ZC3H12D: variants seen among roughly 807,000 people sequenced by gnomAD.
The protein encoded by ZC3H12D is zinc finger CCCH-type containing 12D.
Under a neutral mutation model 24.2 loss-of-function variants are expected in ZC3H12D, and 11 were observed. The ratio of observed to expected loss-of-function variants is 0.46; its 90% confidence interval spans 0.29 to 0.75. ZC3H12D has a LOEUF of 0.75. Among genes scored for constraint, ZC3H12D ranks in the 30% least tolerant of loss-of-function variants. ZC3H12D has a pLI of 0.11. For missense variants in ZC3H12D, 740 were observed against 767.7 expected (o/e 0.96, Z 0.43); for synonymous variants, 333 against 341.8 (o/e 0.97, Z 0.28).
intron 3 of ZC3H12D, among the ~76,000 whole-genome samples, chr6:149,458,369 C>T (rs1450962501): frequency 6.6e-6 from 1 of 151,866 alleles, no homozygotes; most frequent in Non-Finnish European, 1.5e-5. Context: ...CTTCTAGACT[C>T]AAGCATCCAC....
At chr6:149,455,468 A>G (rs998598763) in intron 4 of ZC3H12D, among the ~76,000 whole-genome samples, 5 of 152,186 alleles carry the variant, frequency 3.3e-5, no homozygotes, top group African/African-American at 1.2e-4. Context: ...TGGAACAGAA[A>G]TGGAAATGGG....
Position 149,474,179 on chromosome 6 carries a change from C to T in ZC3H12D, c.305+60G>A, listed in dbSNP as rs947418328. ...CAAACCACAAGGAAGAGGGACAGTT[C>T]TCAGGGCTCCTGCGAACAGGGGCCT... is the stretch of plus-strand genomic sequence containing the variant. On this transcript the variant is annotated intron_variant, in intron 2 of 5. Coordinates refer to ENST00000409806, the MANE Select transcript of ZC3H12D (RefSeq NM_207360.3). 8 of 1,396,060 alleles carry T rather than the reference C, an allele frequency of 5.7e-6. No individual in the cohort carries two copies. The African/African-American group carries it at 1.1e-4, about 20-fold the overall frequency. The allele number at this position is 1,396,060 out of a possible 1,614,324, so 86.5% of individuals were successfully genotyped here. A position where few individuals can be genotyped will look rare whatever the true frequency, so the allele number is the denominator to read the frequency against.
At position 149,451,286 on chromosome 6, in the gene ZC3H12D, C is replaced by T; in HGVS notation, c.981G>A (p.Ala327=). 1 of 1,317,754 alleles carries T rather than the reference C, an allele frequency of 7.6e-7. No individual in the cohort carries two copies. The highest frequency in any genetic ancestry group is 9.6e-7 in the Non-Finnish European group (1 of 1,042,140). The allele number at this position is 1,317,754 out of a possible 1,614,324, so 81.6% of individuals were successfully genotyped here. ...ACCCCCGCGCCGGCGGGAGGCTGTG[C>T]GCAAATGGTTCCCGGGGGGCCGCCC... is the stretch of plus-strand genomic sequence containing the variant. ...GARAAPREPF[A]HSLPPARGSP... Residue 327 remains alanine (A), a synonymous_variant, in exon 6 of 6, where the codon GCG becomes GCA. Transcript: ENST00000409806.
intron 3 of ZC3H12D, among the ~76,000 whole-genome samples, chr6:149,460,466 C>A (rs1486850503): frequency 6.6e-6 from 1 of 152,190 alleles, no homozygotes; most frequent in South Asian, 2.1e-4. Context: ...GAGGCCAAGG[C>A]AGAGGGATGG....
Position 149,447,273 on chromosome 6 carries a change from TCACTCTGTCGCTCAGG to T in ZC3H12D, c.*3394_*3409del, listed in dbSNP as rs1775797807. On this transcript the variant is annotated 3_prime_UTR_variant, in exon 6 of 6. Coordinates refer to ENST00000409806, the MANE Select transcript of ZC3H12D (RefSeq NM_207360.3). ...TTTTTTTGTTTTTTGAGACAGAGTC[TCACTCTGTCGCTCAGG>T]CTGGAGTGCAGAGCGCAGTGGCACA... 6.6e-6 allele frequency: 1 copy of T among 152,310 alleles called. No homozygotes were observed. The highest frequency in any genetic ancestry group is 2.4e-5 in the African/African-American group (1 of 41,436). The allele number at this position is 152,310 out of a possible 1,614,324, so 9.4% of individuals were successfully genotyped here.
intron 3 of ZC3H12D, among the ~76,000 whole-genome samples, chr6:149,460,049 T>C (rs374616): frequency 0.36 from 55,279 of 152,078 alleles, 10,561 homozygotes; most frequent in African/African-American, 0.46. Context: ...GTGTGACTCA[T>C]GTGCCTGAGG....
Position 149,449,723 on chromosome 6 carries a change from G to C in ZC3H12D, c.*960C>G, listed in dbSNP as rs1454781039. On this transcript the variant is annotated 3_prime_UTR_variant, in exon 6 of 6. Transcript: ENST00000409806. ...CAAAGTGCTGGGATTACAGGCATGA[G>C]CCACCATGCCGGGCCGAGACTCTGT... 1 of 152,182 alleles carries C rather than the reference G, an allele frequency of 6.6e-6. No individual in the cohort carries two copies. Among genetic ancestry groups the C allele is most frequent in the Admixed American group, 6.5e-5 (1 of 15,276 alleles). 9.4% of individuals were successfully genotyped at this position (152,182 alleles called of 1,614,324 possible).
rs770724295 is a variant in ZC3H12D at position 149,450,952 on chromosome 6, G to A, written c.1315C>T (p.Arg439Cys). 9.1e-6 allele frequency: 14 copies of A among 1,531,026 alleles called. No homozygotes were observed. Among genetic ancestry groups the A allele is most frequent in the South Asian group, 1.2e-5 (1 of 83,402 alleles). The allele number at this position is 1,531,026 out of a possible 1,614,324, so 94.8% of individuals were successfully genotyped here. A position where few individuals can be genotyped will look rare whatever the true frequency, so the allele number is the denominator to read the frequency against. The change falls in exon 6 of 6, where the codon CGT (arginine) becomes TGT (cysteine). Residue 439 changes from arginine to cysteine, a missense_variant. Physicochemically the swap from Arg to Cys is radical, Grantham distance 180. Coordinates refer to ENST00000409806, the MANE Select transcript of ZC3H12D (RefSeq NM_207360.3). ...GGGAAGCGGTCGGAGCGGGGTGGACGGGCCCACGGGTCGTCGGGTGGCCTG... is the reference window on the plus strand; with the variant it reads ...GGGAAGCGGTCGGAGCGGGGTGGACAGGCCCACGGGTCGTCGGGTGGCCTG... The part of the protein sequence containing the change: ...PRRPPDDPWA[R>C]PPRSDRFPGR...
intron 2 of ZC3H12D, among the ~76,000 whole-genome samples, chr6:149,463,614 C>G (rs907820564): frequency 6.6e-6 from 1 of 152,218 alleles, no homozygotes; most frequent in African/African-American, 2.4e-5. Flanking sequence ...GGGGCTGAGG[C>G]AGGAGAATTG....
Position 149,451,178 on chromosome 6 carries a change from C to G in ZC3H12D, c.1089G>C (p.Pro363=). 17 of 1,313,540 alleles carry G rather than the reference C, an allele frequency of 1.3e-5. No individual in the cohort carries two copies. Among genetic ancestry groups the G allele is most frequent in the Non-Finnish European group, 1.6e-5 (17 of 1,037,224 alleles). 81.4% of individuals were successfully genotyped at this position (1,313,540 alleles called of 1,614,324 possible). Residue 363 remains proline, a synonymous_variant, in exon 6 of 6, where the codon CCG becomes CCC. Transcript: ENST00000409806. ...GGGGCGTGAGGCTGCAGGCGGGGAC[C>G]GGGAGAGGCGGCCCCAGGGGCCCCA... ...DDLGPLGPPL[P]VPACSLTPRL...
At chr6:149,459,916 C>G (rs78718126) in intron 3 of ZC3H12D, among the ~76,000 whole-genome samples, 1 of 83,284 alleles carries the variant, frequency 1.2e-5, no homozygotes, top group Non-Finnish European at 2.0e-5. Context: ...ATGGCAACTG[C>G]GCAGATATAG....
At chr6:149,460,358 C>T (rs1776052700) in intron 3 of ZC3H12D, among the ~76,000 whole-genome samples, 2 of 62,584 alleles carry the variant, frequency 3.2e-5, no homozygotes, top group Admixed American at 2.5e-4. Flanking sequence ...GGATACTCAA[C>T]TGTATAAGAA....
At chr6:149,465,762 A>AG (rs1377206073) in intron 2 of ZC3H12D, among the ~76,000 whole-genome samples, 2 of 119,436 alleles carry the variant, frequency 1.7e-5, no homozygotes, top group African/African-American at 4.3e-5. Context: ...CTCAAAAAAA[A>AG]AAAAGGGGGG....
Position 149,456,622 on chromosome 6 carries a change from C to CCCCCCCCCCCCCCCCCCGGGGGGAG in ZC3H12D, c.680+43_680+44insCTCCCCCCGGGGGGGGGGGGGGGGG. ...GGCCACTGCCTCGACCCCGGCCCCC[C>CCCCCCCCCCCCCCCCCCGGGGGGAG]GCCCCGCCGCCCCCCAGGGTGTCAG... On this transcript the variant is annotated intron_variant, in intron 4 of 5. Coordinates refer to ENST00000409806, the MANE Select transcript of ZC3H12D (RefSeq NM_207360.3). This position sits in a 1 kb window ranked among gnomAD's most constrained non-coding sequence, Gnocchi z 4.3. The CCCCCCCCCCCCCCCCCCGGGGGGAG allele has an allele frequency of 3.0e-6, 4 of 1,314,356 alleles. No individual in the cohort carries two copies. Among genetic ancestry groups the CCCCCCCCCCCCCCCCCCGGGGGGAG allele is most frequent in the East Asian group, 2.4e-5 (1 of 42,326 alleles). The allele number at this position is 1,314,356 out of a possible 1,614,324, so 81.4% of individuals were successfully genotyped here.
intron 2 of ZC3H12D, among the ~76,000 whole-genome samples, chr6:149,462,935 G>A (rs959501605): frequency 2.6e-5 from 4 of 152,162 alleles, no homozygotes; most frequent in African/African-American, 9.7e-5. Context: ...TGGCTTCCTT[G>A]CTCCTCAGTT....
In ZC3H12D at chr6:149,452,719, G is replaced by A; in HGVS notation, c.684C>T (p.Phe228=). 6.3e-7 allele frequency: 1 copy of A among 1,599,818 alleles called. No homozygotes were observed. The highest frequency in any genetic ancestry group is 8.5e-7 in the Non-Finnish European group (1 of 1,174,720). ...LLMFSFVNDR[F]MPPDDPLGRH... is the part of the protein sequence containing the mutation. ...GGCCCAGGGGGTCATCAGGCGGCAT[G>A]AACCTGGAAAATAAGCACAGGGGCA... is the stretch of plus-strand genomic sequence containing the variant. Residue 228 remains phenylalanine (F), a synonymous_variant, in exon 5 of 6, where the codon TTC becomes TTT. Coordinates refer to ENST00000409806, the MANE Select transcript of ZC3H12D (RefSeq NM_207360.3). This position sits in a 1 kb window ranked among gnomAD's most constrained non-coding sequence, Gnocchi z 4.0.
intron 1 of ZC3H12D, among the ~76,000 whole-genome samples, chr6:149,476,690 C>T (rs952119663): frequency 6.6e-5 from 10 of 152,192 alleles, no homozygotes; most frequent in Admixed American, 5.2e-4. Flanking sequence ...GGCCTGTAAT[C>T]CCAGCTACTT....
Position 149,451,376 on chromosome 6 carries a change from G to A in ZC3H12D, c.891C>T (p.Ala297=). ...GCTCCTCGGCGCCCGCGCCAGGCCG[G>A]GCCCCTGTCTTGGCGCGGAGCTCGT... is the stretch of plus-strand genomic sequence containing the variant. The part of the protein sequence containing the change: ...VADELRAKTG[A]RPGAGAEEQR... Residue 297 remains alanine, a synonymous_variant, in exon 6 of 6, where the codon GCC becomes GCT. Coordinates refer to ENST00000409806, the MANE Select transcript of ZC3H12D (RefSeq NM_207360.3). 1.9e-6 allele frequency: 3 copies of A among 1,547,046 alleles called. No homozygotes were observed. Among genetic ancestry groups the A allele is most frequent in the Non-Finnish European group, 2.6e-6 (3 of 1,158,852 alleles).
chr6:149,460,145 A>G (rs1330002952), intron 3 of ZC3H12D, among the ~76,000 whole-genome samples: 1 of 152,240 alleles, frequency 6.6e-6, no homozygotes, highest in Non-Finnish European at 1.5e-5. Flanking sequence ...ACACTTGATC[A>G]TAATAATAAA....
Sources: allele counts gnomAD v4.1 joint callset (sites outside exome capture counted in the v4.1 genomes callset), GRCh38; gene constraint gnomAD v4.1.1; non-coding constraint Gnocchi (gnomAD v3.1); transcripts MANE v1.5; gene names NCBI Gene and HGNC (gene_info 2026-07-23, HGNC 2026-07-21).